The following GABRA3 variants were observed in gnomAD, a reference collection of about 807,000 sequenced individuals.
GABRA3 encodes the protein gamma-aminobutyric acid receptor subunit alpha-3.
GABRA3 carries 10 observed loss-of-function variants against 30.1 expected under a neutral mutation model. The ratio of observed to expected loss-of-function variants is 0.33; its 90% CI spans 0.20 to 0.56. GABRA3 has a LOEUF of 0.56. GABRA3 is among the 20% of genes least tolerant of loss of function. The pLI is 0.89. For synonymous variants in GABRA3, 151 were observed against 146.8 expected (o/e 1.03, Z -0.21); for missense variants, 233 against 392.0 (o/e 0.59, Z 3.42).
chrX:152,182,845 A>G (rs1316117854), intron 9 of GABRA3, among the ~76,000 whole-genome samples: 2 of 92,329 alleles, frequency 2.2e-5, no homozygotes, highest in East Asian at 3.4e-4. Flanking sequence ...GTATATAAAT[A>G]CTATAGTATA....
intron 5 of GABRA3, among the ~76,000 whole-genome samples, chrX:152,241,548 C>A (rs12388915): frequency 0.025 from 2,707 of 108,199 alleles, 85 homozygotes; most frequent in African/African-American, 0.085. Context: ...TCGAGCTTCC[C>A]GGCTGCTTTG....
At chrX:152,185,190 T>G (rs759340384) in intron 9 of GABRA3, among the ~76,000 whole-genome samples, 1 of 111,476 alleles carries the variant, frequency 9.0e-6, no homozygotes, top group African/African-American at 3.2e-5. Context: ...ATCTCACTAT[T>G]AGTTGCTCCG....
At chrX:152,278,735 A>G (rs1939139590) in intron 4 of GABRA3, among the ~76,000 whole-genome samples, 1 of 111,817 alleles carries the variant, frequency 8.9e-6, no homozygotes, top group Admixed American at 9.5e-5. Flanking sequence ...AACAGTGTAA[A>G]AGTGTTCCTA....
chrX:152,372,420 T>C (rs1928866608), intron 1 of GABRA3, among the ~76,000 whole-genome samples: 1 of 111,804 alleles, frequency 8.9e-6, no homozygotes, highest in African/African-American at 3.3e-5. Context: ...TAAATGCTTT[T>C]CCCATATATC....
chrX:152,294,204 A>T (rs1257113501), intron 3 of GABRA3, among the ~76,000 whole-genome samples: 1 of 111,505 alleles, frequency 9.0e-6, no homozygotes, highest in Non-Finnish European at 1.9e-5. Flanking sequence ...TCTCCTGGAT[A>T]ATATCCTGAA....
chrX:152,370,220 T>G (rs993781879), intron 1 of GABRA3, among the ~76,000 whole-genome samples: 1 of 112,281 alleles, frequency 8.9e-6, no homozygotes, highest in Non-Finnish European at 1.9e-5. Context: ...ATTATTCTAT[T>G]GGAATTCCTA....
At chrX:152,420,449 A>G (rs1930346299) in intron 1 of GABRA3, among the ~76,000 whole-genome samples, 1 of 111,773 alleles carries the variant, frequency 8.9e-6, no homozygotes, top group Admixed American at 9.5e-5. Context: ...TAAATACCAC[A>G]AAAAAATTTA....
rs1939493139 is a variant in GABRA3 at position 152,294,707 on chromosome X, C to T, written c.263-9972G>A. Among the ~76,000 whole-genome samples, 4 of 111,549 alleles carry T rather than the reference C, an allele frequency of 3.6e-5. No homozygotes were observed. The Admixed American group carries it at 3.8e-4, about 11-fold the overall frequency. ...CTGCGATCCTTTGGAGGAGAAGAGG[C>T]ACTCTGGTTTTTAGAATTTTCAGCT... On this transcript the variant is annotated intron_variant, in intron 3 of 9. Transcript: ENST00000370314.
intron 1 of GABRA3, among the ~76,000 whole-genome samples, chrX:152,433,525 T>C (rs1311240320): frequency 1.1e-4 from 12 of 109,092 alleles, no homozygotes; most frequent in Non-Finnish European, 1.1e-4. Flanking sequence ...TAATGTAGCT[T>C]AAAAAGTGCA....
chrX:152,380,522 C>T (rs1454490820), intron 1 of GABRA3, among the ~76,000 whole-genome samples: 1 of 111,741 alleles, frequency 8.9e-6, no homozygotes, highest in African/African-American at 3.3e-5. Context: ...TAGGTTGCTA[C>T]CAAATCTTGG....
In GABRA3 at chrX:152,376,990, C is replaced by T. The variant is rs533116223; in HGVS notation, c.-26-12394G>A. 3.6e-4 allele frequency among the ~76,000 whole-genome samples: 40 copies of T among 111,655 alleles called. 1 individual carries two copies. In the South Asian group the frequency reaches 0.014, roughly 40 times the overall value. On this transcript the variant is annotated intron_variant, in intron 1 of 9. Coordinates refer to ENST00000370314, the MANE Select transcript of GABRA3 (RefSeq NM_000808.4). ...AGAATAATGGAAAAAAGGCAAAAAT[C>T]CAATGTCTAAAAGGGAATTTGATTA...
intron 4 of GABRA3, among the ~76,000 whole-genome samples, chrX:152,281,995 C>T (rs1358008728): frequency 8.9e-6 from 1 of 111,788 alleles, no homozygotes; most frequent in African/African-American, 3.3e-5. Flanking sequence ...CTGAGTCAGA[C>T]ATTTATGGTA....
chrX:152,227,598 A>T (rs889087834), intron 5 of GABRA3, among the ~76,000 whole-genome samples: 4 of 95,089 alleles, frequency 4.2e-5, no homozygotes, highest in East Asian at 6.4e-4. Context: ...AATGGGTTAC[A>T]TTTTTTTTTT....
intron 1 of GABRA3, among the ~76,000 whole-genome samples, chrX:152,414,990 T>A (rs994541360): frequency 9.1e-6 from 1 of 110,025 alleles, no homozygotes; most frequent in Non-Finnish European, 1.9e-5. Context: ...CTAAAAAGAT[T>A]AGTGGTTGCC....
In GABRA3 at chrX:152,199,104, T is replaced by C. The variant is rs778070356; in HGVS notation, c.779-1319A>G. On this transcript the variant is annotated intron_variant, in intron 7 of 9. Transcript: ENST00000370314. ...AGGGCTGGGTGCGGTGGCTCAAGCC[T>C]GCCTGTAATCCCAGCACTTTGGGAG... Among the ~76,000 whole-genome samples the C allele has an allele frequency of 1.2e-4, 13 of 109,793 alleles. No individual in the cohort carries two copies. The East Asian group carries it at 2.4e-3, about 20-fold the overall frequency.
chrX:152,296,340 C>T (rs781331747), intron 3 of GABRA3, among the ~76,000 whole-genome samples: 7 of 111,913 alleles, frequency 6.3e-5, no homozygotes, highest in Non-Finnish European at 7.5e-5. Context: ...TTTGTTCTCA[C>T]GTTAACGACC....
At chrX:152,253,624 A>G (rs1346570256) in intron 5 of GABRA3, among the ~76,000 whole-genome samples, 1 of 111,738 alleles carries the variant, frequency 8.9e-6, no homozygotes, top group East Asian at 2.8e-4. Context: ...AATCTAGACT[A>G]TTTCAGCTGT....
chrX:152,283,262 T>C (rs1299911766), intron 4 of GABRA3, among the ~76,000 whole-genome samples: 2 of 111,466 alleles, frequency 1.8e-5, no homozygotes, highest in African/African-American at 6.5e-5. Flanking sequence ...CCTTATATCT[T>C]ACATACCCCT....
intron 5 of GABRA3, among the ~76,000 whole-genome samples, chrX:152,236,923 A>T (rs113328180): frequency 9.6e-6 from 1 of 104,339 alleles, no homozygotes; most frequent in Non-Finnish European, 2.0e-5. Flanking sequence ...AGGTTGCGAA[A>T]ATTTTCTCCC....
Sources: allele counts gnomAD v4.1 joint callset (sites outside exome capture counted in the v4.1 genomes callset), GRCh38; gene constraint gnomAD v4.1.1; transcripts MANE v1.5; gene names NCBI Gene and HGNC (gene_info 2026-07-23, HGNC 2026-07-21).